The following CLMN variants were observed in gnomAD, a reference collection of about 807,000 sequenced individuals.
The protein encoded by CLMN is calmin (calponin-like, transmembrane).
In CLMN, 57 loss-of-function variants were observed where a neutral mutation model predicts 92.7. The observed-to-expected ratio is 0.61, with a 90% CI of 0.50 to 0.77. The LOEUF is 0.77. CLMN is among the 30% of genes least tolerant of loss of function. The pLI is 0.00. For synonymous variants in CLMN, 466 were observed against 470.6 expected (o/e 0.99, Z 0.13); for missense variants, 1,158 against 1,237.5 (o/e 0.94, Z 0.96).
intron 1 of CLMN, among the ~76,000 whole-genome samples, chr14:95,264,540 G>A (rs1262232208): frequency 6.6e-6 from 1 of 152,136 alleles, no homozygotes; most frequent in Non-Finnish European, 1.5e-5. Flanking sequence ...CCACAGAGGC[G>A]CGCAGAAGCT....
At chr14:95,249,102 T>C (rs1898684315) in intron 1 of CLMN, among the ~76,000 whole-genome samples, 2 of 152,202 alleles carry the variant, frequency 1.3e-5, no homozygotes, top group Non-Finnish European at 2.9e-5. Context: ...AATGATTTCC[T>C]TTCATTCTTC....
rs1199674975 is a variant in CLMN at position 95,215,737 on chromosome 14, G to A, written c.325-4C>T. ...CATCAATGCTAACCAGTTTTACCTG[G>A]AGGGAAGCAATTTATGAACTTAAAG... On this transcript the variant is annotated splice_polypyrimidine_tract_variant and splice_region_variant and intron_variant, in intron 4 of 12. Coordinates refer to ENST00000298912, the MANE Select transcript of CLMN (RefSeq NM_024734.4). 4 of 1,612,796 alleles carry A rather than the reference G, an allele frequency of 2.5e-6. No individual in the cohort carries two copies. The South Asian group carries it at 3.3e-5, about 13-fold the overall frequency.
chr14:95,259,553 G>A lies in CLMN; in HGVS notation c.83-29420C>T, dbSNP rs1899167666. On this transcript the variant is annotated intron_variant, in intron 1 of 12. Transcript: ENST00000298912. The surrounding 1 kb of genome is among the most constrained non-coding windows in gnomAD (Gnocchi z 4.3). ...TGTAGTTCCCACAGAGCTGCTGGGAGCAGGCCAGGGAAACGAGATCTTGAT... is the reference window on the plus strand; with the variant it reads ...TGTAGTTCCCACAGAGCTGCTGGGAACAGGCCAGGGAAACGAGATCTTGAT... Among the ~76,000 whole-genome samples, 2 of 152,174 alleles carry A rather than the reference G, an allele frequency of 1.3e-5. No homozygotes were observed. The highest frequency in any genetic ancestry group is 4.8e-5 in the African/African-American group (2 of 41,436).
At chr14:95,201,168 T>A (rs1021817553) in intron 9 of CLMN, among the ~76,000 whole-genome samples, 9 of 151,562 alleles carry the variant, frequency 5.9e-5, no homozygotes, top group African/African-American at 1.7e-4. Context: ...TAAAAAAATT[T>A]AAAAATATAT....
chr14:95,266,045 A>T (rs1408208317), intron 1 of CLMN, among the ~76,000 whole-genome samples: 1 of 152,238 alleles, frequency 6.6e-6, no homozygotes, highest in Non-Finnish European at 1.5e-5. Flanking sequence ...AGTGGGAGTA[A>T]GCAGGTAGTG....
At chr14:95,206,476 A>G (rs536869327) in intron 8 of CLMN, among the ~76,000 whole-genome samples, 1 of 152,360 alleles carries the variant, frequency 6.6e-6, no homozygotes, top group African/African-American at 2.4e-5. Context: ...TTTCAAATGC[A>G]TATGGCACAT....
intron 1 of CLMN, among the ~76,000 whole-genome samples, chr14:95,317,461 G>A (rs543724033): frequency 6.6e-6 from 1 of 152,184 alleles, no homozygotes; most frequent in Admixed American, 6.5e-5. Flanking sequence ...GCCCCAAACT[G>A]CACACAACCC....
intron 1 of CLMN, among the ~76,000 whole-genome samples, chr14:95,309,770 T>C (rs1038897094): frequency 6.6e-6 from 1 of 152,232 alleles, no homozygotes; most frequent in Admixed American, 6.5e-5. Context: ...AGTCCAGCTG[T>C]GCAAATATCT....
At chr14:95,195,819 G>A (rs966851114) in intron 10 of CLMN, among the ~76,000 whole-genome samples, 3 of 152,148 alleles carry the variant, frequency 2.0e-5, no homozygotes, top group African/African-American at 7.2e-5. Context: ...TGAGAGAGGG[G>A]AGAGACCAGG....
chr14:95,299,903 G>A (rs935210698), intron 1 of CLMN, among the ~76,000 whole-genome samples: 8 of 152,158 alleles, frequency 5.3e-5, no homozygotes, highest in Non-Finnish European at 7.3e-5. Context: ...AGTTTGGGGG[G>A]ACCCAGAAAC....
rs1269087737 is a variant in CLMN, at chr14:95,294,267, A to C, written c.82+25444T>G. On this transcript the variant is annotated intron_variant, in intron 1 of 12. Transcript: ENST00000298912. This position sits in a 1 kb window ranked among gnomAD's most constrained non-coding sequence, Gnocchi z 4.2. The stretch of plus-strand genomic sequence containing the variant: ...AGGAAAAGGCATGGCCCCTGCTTGC[A>C]CGGGGAAGACAAAATTTAACCAAGA... Among the ~76,000 whole-genome samples, 3 of 152,258 alleles carry C rather than the reference A, an allele frequency of 2.0e-5. No homozygotes were observed. The highest frequency in any genetic ancestry group is 7.2e-5 in the African/African-American group (3 of 41,462).
chr14:95,257,207 A>C (rs1200231478), intron 1 of CLMN, among the ~76,000 whole-genome samples: 1 of 152,330 alleles, frequency 6.6e-6, no homozygotes, highest in East Asian at 1.9e-4. Context: ...TAAGGGCAAA[A>C]TGCATTATTT....
intron 2 of CLMN, 48 bp from the exon 3 acceptor site, chr14:95,223,903 C>A: frequency 7.6e-7 from 1 of 1,319,908 alleles, no homozygotes; most frequent in South Asian, 1.2e-5. Flanking sequence ...CCTGTGTGAT[C>A]CACAAAGCTA....
At chr14:95,273,528 C>T (rs1899797655) in intron 1 of CLMN, among the ~76,000 whole-genome samples, 1 of 152,192 alleles carries the variant, frequency 6.6e-6, no homozygotes, top group South Asian at 2.1e-4. Context: ...CCTAAATAAA[C>T]ACTACTCCCA....
In CLMN at chr14:95,203,323, C is replaced by T. The variant is rs1443326156; in HGVS notation, c.2026G>A (p.Asp676Asn). 5 of 1,614,004 alleles carry T rather than the reference C, an allele frequency of 3.1e-6. No individual in the cohort carries two copies. Among genetic ancestry groups the T allele is most frequent in the Non-Finnish European group, 3.4e-6 (4 of 1,180,028 alleles). Residue 676 changes from aspartate to asparagine, a missense_variant, in exon 9 of 13, where the codon GAC becomes AAC. By Grantham distance (23) the Asp-to-Asn change is conservative. Coordinates refer to ENST00000298912, the MANE Select transcript of CLMN (RefSeq NM_024734.4). Reference protein sequence around the residue: ...TRPHYEEEGEDDDLQGVGEEL... With the variant: ...TRPHYEEEGENDDLQGVGEEL... Reference sequence around the variant, plus strand: ...TCGCCCACACCCTGGAGGTCATCGTCTTCTCCCTCTTCCTCATAATGAGGA... The same window carrying T: ...TCGCCCACACCCTGGAGGTCATCGTTTTCTCCCTCTTCCTCATAATGAGGA...
At chr14:95,200,109 G>A (rs934869304) in intron 9 of CLMN, among the ~76,000 whole-genome samples, 23 of 152,078 alleles carry the variant, frequency 1.5e-4, no homozygotes, top group African/African-American at 5.3e-4. Flanking sequence ...TGAAATAGCT[G>A]GTCACTTTCC....
chr14:95,249,464 T>C (rs1242088222), intron 1 of CLMN, among the ~76,000 whole-genome samples: 1 of 152,184 alleles, frequency 6.6e-6, no homozygotes, highest in Non-Finnish European at 1.5e-5. Context: ...TGTCTGTGTA[T>C]TGGAAAAGGG....
intron 3 of CLMN, chr14:95,222,297 C>CGAAAGAGAGAAAGAGAGA: frequency 4.3e-6 from 1 of 233,166 alleles, no homozygotes; most frequent in Non-Finnish European, 8.7e-6. Context: ...TATCCCAGGT[C>CGAAAGAGAGAAAGAGAGA]GAAAGAGAGA....
rs753150278 is a variant in CLMN, at chr14:95,203,996, T to C, written c.1353A>G (p.Arg451=). The C allele has an allele frequency of 6.2e-7, 1 of 1,614,198 alleles. No homozygotes were observed. The highest frequency in any genetic ancestry group is 2.2e-5 in the East Asian group (1 of 44,892). ...NLSLCFEGSP[R]VAKESLRQDG... is the part of the protein sequence containing the mutation. The stretch of plus-strand genomic sequence containing the variant: ...CCTGCCTCAATGATTCCTTTGCCAC[T>C]CTTGGGCTCCCTTCAAAGCAAAGGG... The change falls in exon 9 of 13, where the codon AGA becomes AGG. Residue 451 remains arginine (R), a synonymous_variant. Coordinates refer to ENST00000298912, the MANE Select transcript of CLMN (RefSeq NM_024734.4).
Sources: gnomAD v4.1 joint callset for allele counts (sites outside exome capture counted in the v4.1 genomes callset) on GRCh38, gnomAD v4.1.1 for gene constraint, Gnocchi (gnomAD v3.1) non-coding constraint, MANE v1.5 for transcripts, NCBI Gene and HGNC (gene_info 2026-07-23, HGNC 2026-07-21) for gene names.